Variants in ANO3 observed in about 807,000 individuals in gnomAD.
ANO3 encodes anoctamin 3, also known as anoctamin-3.
In ANO3, 99 loss-of-function variants were observed where a neutral mutation model predicts 144.8. The observed-to-expected ratio is 0.68, with a 90% CI of 0.58 to 0.81. ANO3 has a LOEUF of 0.81. ANO3 is among the 30% of genes least tolerant of loss of function. The pLI, the probability that ANO3 is intolerant of heterozygous loss-of-function variation, is 0.00. For missense variants in ANO3, 905 were observed against 1,202.2 expected (o/e 0.75, Z 3.66); for synonymous variants, 414 against 392.6 (o/e 1.05, Z -0.64).
chr11:26,546,036 AT>A (rs541073069), intron 11 of ANO3, among the ~76,000 whole-genome samples: 203 of 152,098 alleles, frequency 1.3e-3, no homozygotes, highest in African/African-American at 4.3e-3. Flanking sequence ...ACTGATATAG[AT>A]AATACTGTCT....
intron 17 of ANO3, among the ~76,000 whole-genome samples, chr11:26,623,358 T>G (rs1380745800): frequency 1.3e-5 from 2 of 152,228 alleles, no homozygotes; most frequent in East Asian, 3.9e-4. Context: ...ATCTAAACAA[T>G]TTTTTATTGA....
intron 5 of ANO3, among the ~76,000 whole-genome samples, chr11:26,514,915 GA>G (rs1424731743): frequency 6.6e-6 from 1 of 151,784 alleles, no homozygotes; most frequent in East Asian, 1.9e-4. Flanking sequence ...AAAGAGAATG[GA>G]AAAAAAGTCA....
chr11:26,347,667 C>T (rs563158556), intron 1 of ANO3, among the ~76,000 whole-genome samples: 1 of 152,044 alleles, frequency 6.6e-6, no homozygotes, highest in Admixed American at 6.6e-5. Context: ...TCTTTAAGGA[C>T]AGGGTGGTAA....
At chr11:26,342,314 C>T (rs553984884) in intron 1 of ANO3, among the ~76,000 whole-genome samples, 1 of 152,252 alleles carries the variant, frequency 6.6e-6, no homozygotes, top group African/African-American at 2.4e-5. Context: ...TGAAACTTAA[C>T]AAAAATGTAA....
At chr11:26,296,707 T>C (rs546611353) in intron 1 of ANO3, among the ~76,000 whole-genome samples, 3 of 152,206 alleles carry the variant, frequency 2.0e-5, no homozygotes, top group African/African-American at 7.2e-5. Context: ...TTATCATTGA[T>C]GAATAACAGA....
intron 4 of ANO3, among the ~76,000 whole-genome samples, chr11:26,489,647 C>T (rs1269807198): frequency 2.0e-5 from 3 of 152,184 alleles, no homozygotes; most frequent in Admixed American, 6.5e-5. Flanking sequence ...GGCAGAACTG[C>T]CCAAGACTGT....
At chr11:26,190,772 A>G (rs1851458948) in intron 1 of ANO3, among the ~76,000 whole-genome samples, 1 of 152,180 alleles carries the variant, frequency 6.6e-6, no homozygotes, top group South Asian at 2.1e-4. Flanking sequence ...TGTCATTTCC[A>G]GAGATGCATA....
At chr11:26,485,056 T>C (rs555017731) in intron 4 of ANO3, among the ~76,000 whole-genome samples, 2 of 152,238 alleles carry the variant, frequency 1.3e-5, no homozygotes, top group East Asian at 1.9e-4. Context: ...GGCTCATAGG[T>C]GGAAGGAACT....
At chr11:26,296,956 C>T (rs1034066168) in intron 1 of ANO3, among the ~76,000 whole-genome samples, 1 of 152,040 alleles carries the variant, frequency 6.6e-6, no homozygotes, top group Non-Finnish European at 1.5e-5. Flanking sequence ...TAGGGTACTC[C>T]AGTCAATCAT....
In ANO3 at chr11:26,544,273, T is replaced by TATATACACACACAC; in HGVS notation, c.1154+2206_1154+2207insTATACACACACACA. On this transcript the variant is annotated intron_variant, in intron 11 of 26. Coordinates refer to ENST00000256737, the MANE Select transcript of ANO3 (RefSeq NM_031418.4). ...ATACATATATATATATATATATATATACACACATACACACACACACACACA... is the reference window on the plus strand; with the variant it reads ...ATACATATATATATATATATATATATATATACACACACACACACACATACACACACACACACACA... Among the ~76,000 whole-genome samples, 18 of 58,566 alleles carry TATATACACACACAC rather than the reference T, an allele frequency of 3.1e-4. No individual in the cohort carries two copies. In the East Asian group the frequency reaches 0.012, roughly 38 times the overall value. 38.4% of individuals were successfully genotyped at this position (58,566 alleles called of 152,430 possible).
chr11:26,566,308 A>G (rs1006383870), intron 14 of ANO3, among the ~76,000 whole-genome samples: 1 of 152,044 alleles, frequency 6.6e-6, no homozygotes, highest in African/African-American at 2.4e-5. Flanking sequence ...GATTTCTTCA[A>G]TCTATTTAAG....
intron 15 of ANO3, among the ~76,000 whole-genome samples, 172 bp downstream of exon 15, chr11:26,598,619 G>A (rs1851706845): frequency 1.3e-5 from 2 of 152,148 alleles, no homozygotes; most frequent in Non-Finnish European, 2.9e-5. Context: ...AATGAAGTAT[G>A]TATTTTTCAA....
chr11:26,418,782 G>C (rs1235919095), intron 1 of ANO3, among the ~76,000 whole-genome samples: 2 of 151,778 alleles, frequency 1.3e-5, no homozygotes, highest in Non-Finnish European at 2.9e-5. Context: ...TAAAATACTT[G>C]GGGGTACCTT....
chr11:26,281,197 C>A (rs890068441), intron 1 of ANO3, among the ~76,000 whole-genome samples: 2 of 152,066 alleles, frequency 1.3e-5, no homozygotes, highest in Admixed American at 6.6e-5. Flanking sequence ...TGTCCAAGAT[C>A]ATACAGATCA....
intron 1 of ANO3, among the ~76,000 whole-genome samples, chr11:26,291,310 A>G (rs532885195): frequency 4.1e-4 from 62 of 152,202 alleles, no homozygotes; most frequent in Non-Finnish European, 7.9e-4. Flanking sequence ...GTCTCTGCAC[A>G]TGAGATGGAT....
intron 1 of ANO3, among the ~76,000 whole-genome samples, chr11:26,429,069 G>A (rs946046367): frequency 4.6e-5 from 7 of 152,246 alleles, no homozygotes; most frequent in Admixed American, 2.6e-4. Flanking sequence ...TGTTGGTGAA[G>A]CTTGCTAGAA....
At chr11:26,341,367 T>C (rs1855355030) in intron 1 of ANO3, among the ~76,000 whole-genome samples, 1 of 152,206 alleles carries the variant, frequency 6.6e-6, no homozygotes, top group Non-Finnish European at 1.5e-5. Flanking sequence ...TATTATGTCA[T>C]AAAAATTGTG....
chr11:26,420,654 A>G (rs953791150), intron 1 of ANO3, among the ~76,000 whole-genome samples: 3 of 152,022 alleles, frequency 2.0e-5, no homozygotes, highest in Admixed American at 6.6e-5. Context: ...TCCCTTAGCT[A>G]TAATTGTCTC....
At chr11:26,271,800 A>G (rs1442344515) in intron 1 of ANO3, among the ~76,000 whole-genome samples, 1 of 151,812 alleles carries the variant, frequency 6.6e-6, no homozygotes, top group African/African-American at 2.4e-5. Flanking sequence ...TAATTTGTAT[A>G]TCTGAGAATT....
Sources: gnomAD v4.1 joint callset for allele counts (sites outside exome capture counted in the v4.1 genomes callset) on GRCh38, gnomAD v4.1.1 for gene constraint, MANE v1.5 for transcripts, NCBI Gene and HGNC (gene_info 2026-07-23, HGNC 2026-07-21) for gene names.